The following SEMA3A variants were observed in gnomAD, a reference collection of about 807,000 sequenced individuals.
SEMA3A encodes the protein semaphorin 3A.
In SEMA3A, 29 loss-of-function variants were observed where a neutral mutation model predicts 97.9. The observed-to-expected ratio is 0.30, with a 90% CI of 0.22 to 0.40. The LOEUF (loss-of-function observed/expected upper bound fraction) is 0.40, where lower values mean the gene tolerates loss of function less well. Ranked by LOEUF, SEMA3A falls within the 10% of genes least tolerant of loss-of-function variation. SEMA3A has a pLI of 1.00. For synonymous variants in SEMA3A, 321 were observed against 323.7 expected (o/e 0.99, Z 0.09); for missense variants, 763 against 951.3 (o/e 0.80, Z 2.60).
intron 3 of SEMA3A, among the ~76,000 whole-genome samples, chr7:84,235,472 G>A (rs1017450996): frequency 7.3e-5 from 11 of 151,418 alleles, no homozygotes; most frequent in Non-Finnish European, 1.6e-4. Context: ...TGATATTATT[G>A]TTTCTTCTTT....
At chr7:84,079,977 G>A (rs1319080348) in intron 4 of SEMA3A, among the ~76,000 whole-genome samples, 1 of 145,328 alleles carries the variant, frequency 6.9e-6, no homozygotes, top group African/African-American at 2.7e-5. Flanking sequence ...TGATAGACTG[G>A]ATTAAGAAAA....
In SEMA3A at chr7:84,130,969, T is replaced by G. The variant is rs1795945944; in HGVS notation, c.271-1784A>C. 2.0e-5 allele frequency among the ~76,000 whole-genome samples: 3 copies of G among 152,028 alleles called. No homozygotes were observed. The South Asian group carries it at 6.2e-4, about 31-fold the overall frequency. ...TCTCGTTGCTTAATTGTTGAGACAG[T>G]ATAGACCTCATTTTATGATTCTCTG... On this transcript the variant is annotated intron_variant, in intron 2 of 16. Coordinates refer to ENST00000265362, the MANE Select transcript of SEMA3A (RefSeq NM_006080.3).
At chr7:84,091,167 GGAAA>G (rs1165324789) in intron 4 of SEMA3A, among the ~76,000 whole-genome samples, 838 of 42,792 alleles carry the variant, frequency 0.02, 30 homozygotes, top group South Asian at 0.038. Context: ...AAGGAAGGAA[GGAAA>G]GAAAGAAAGA....
chr7:84,295,252 A>G (rs950707588), intron 3 of SEMA3A, among the ~76,000 whole-genome samples: 2 of 152,086 alleles, frequency 1.3e-5, no homozygotes, highest in African/African-American at 4.8e-5. Flanking sequence ...ATAGACATTA[A>G]TCAAAATGCT....
rs1413190500 is a variant in SEMA3A, at chr7:84,080,851, C to T, written c.454-20293G>A. ...CCTCCCAAAGTGCTGGGATTACAGGCGTGAGCCACCGCGCCCGGCCGCAGC... is the reference window on the plus strand; with the variant it reads ...CCTCCCAAAGTGCTGGGATTACAGGTGTGAGCCACCGCGCCCGGCCGCAGC... On this transcript the variant is annotated intron_variant, in intron 4 of 16. Coordinates refer to ENST00000265362, the MANE Select transcript of SEMA3A (RefSeq NM_006080.3). 6.3e-3 allele frequency among the ~76,000 whole-genome samples: 8 copies of T among 1,272 alleles called. 4 individuals are homozygous for T. Among genetic ancestry groups the T allele is most frequent in the African/African-American group, 0.044 (8 of 182 alleles). The allele number at this position is 1,272 out of a possible 152,430, so 0.8% of individuals were successfully genotyped here.
chr7:84,471,667 A>G (rs1806154188), intron 1 of SEMA3A, among the ~76,000 whole-genome samples: 1 of 152,102 alleles, frequency 6.6e-6, no homozygotes, highest in East Asian at 1.9e-4. Context: ...AGAGAAAGAG[A>G]GAATGAAAGC....
intron 15 of SEMA3A, among the ~76,000 whole-genome samples, chr7:83,968,745 T>G (rs1788806445): frequency 6.6e-6 from 1 of 151,860 alleles, no homozygotes; most frequent in African/African-American, 2.4e-5. Flanking sequence ...TTTAGCAAAT[T>G]TTAGACAGTG....
At chr7:84,172,946 T>C (rs1442861016) in intron 1 of SEMA3A, among the ~76,000 whole-genome samples, 1 of 152,178 alleles carries the variant, frequency 6.6e-6, no homozygotes, top group Non-Finnish European at 1.5e-5. Context: ...GTTTCTGAGA[T>C]ATGTACCTGG....
intron 14 of SEMA3A, among the ~76,000 whole-genome samples, chr7:83,980,374 AGGCAT>A (rs984774503): frequency 6.6e-6 from 1 of 151,828 alleles, no homozygotes; most frequent in African/African-American, 2.4e-5. Context: ...TCAAAGGCCA[AGGCAT>A]GAGGATCACG....
chr7:84,038,343 T>C (rs1410951409), intron 6 of SEMA3A, among the ~76,000 whole-genome samples: 2 of 152,194 alleles, frequency 1.3e-5, no homozygotes, highest in Non-Finnish European at 2.9e-5. Flanking sequence ...AGCAACTCAG[T>C]ATATTTATGT....
At chr7:84,449,070 G>A (rs1805496537) in intron 1 of SEMA3A, among the ~76,000 whole-genome samples, 1 of 152,096 alleles carries the variant, frequency 6.6e-6, no homozygotes. Context: ...TCAACAGATG[G>A]TGCCAGGAAA....
chr7:84,060,626 C>G, intron 4 of SEMA3A, 68 bp from the exon 5 acceptor site: 1 of 982,710 alleles, frequency 1.0e-6, no homozygotes, highest in African/African-American at 1.7e-5. Flanking sequence ...TTCAACACAT[C>G]AGTTAATCAG....
intron 1 of SEMA3A, among the ~76,000 whole-genome samples, chr7:84,157,573 G>A (rs1796883095): frequency 6.6e-6 from 1 of 152,148 alleles, no homozygotes; most frequent in African/African-American, 2.4e-5. Flanking sequence ...AAATAGTGCT[G>A]GAGCATACGG....
chr7:84,438,110 T>C (rs929819048), intron 1 of SEMA3A, among the ~76,000 whole-genome samples: 1 of 152,036 alleles, frequency 6.6e-6, no homozygotes, highest in Non-Finnish European at 1.5e-5. Context: ...CTAGGGGGTA[T>C]GCTTTATTAA....
chr7:84,151,841 A>C (rs2116123440), intron 1 of SEMA3A, among the ~76,000 whole-genome samples: 1 of 152,262 alleles, frequency 6.6e-6, no homozygotes. Context: ...ACTCAAACAA[A>C]TTTACAAGAA....
Position 83,961,177 on chromosome 7 carries a change from G to A in SEMA3A, c.*194C>T. Reference sequence around the variant, plus strand: ...TCACCTGTGTTCTCTGTTAGGTGGTGGTATTAGGAAAAAAAGCCTATTAGG... The same window carrying A: ...TCACCTGTGTTCTCTGTTAGGTGGTAGTATTAGGAAAAAAAGCCTATTAGG... On this transcript the variant is annotated 3_prime_UTR_variant, in exon 17 of 17. Coordinates refer to ENST00000265362, the MANE Select transcript of SEMA3A (RefSeq NM_006080.3). 1.7e-6 allele frequency: 1 copy of A among 592,922 alleles called. No individual in the cohort carries two copies. Among genetic ancestry groups the A allele is most frequent in the Non-Finnish European group, 3.0e-6 (1 of 333,746 alleles). The allele number at this position is 592,922 out of a possible 1,614,324, so 36.7% of individuals were successfully genotyped here.
chr7:84,473,144 G>A (rs1342083414), intron 1 of SEMA3A, among the ~76,000 whole-genome samples: 1 of 145,852 alleles, frequency 6.9e-6, no homozygotes, highest in Non-Finnish European at 1.5e-5. Flanking sequence ...AAGAAATGGT[G>A]TGTGTGTGTG....
At chr7:84,458,456 AT>A (rs1029130850) in intron 1 of SEMA3A, among the ~76,000 whole-genome samples, 12 of 151,658 alleles carry the variant, frequency 7.9e-5, no homozygotes, top group African/African-American at 2.2e-4. Flanking sequence ...TCATAAAAAA[AT>A]AATTTGATAG....
chr7:84,192,003 A>G (rs1798056481), intron 1 of SEMA3A, among the ~76,000 whole-genome samples: 1 of 151,922 alleles, frequency 6.6e-6, no homozygotes, highest in African/African-American at 2.4e-5. Flanking sequence ...GGCAAAAATG[A>G]TAAGTAGAAA....
Sources: allele counts gnomAD v4.1 joint callset (sites outside exome capture counted in the v4.1 genomes callset), GRCh38; gene constraint gnomAD v4.1.1; transcripts MANE v1.5; gene names NCBI Gene and HGNC (gene_info 2026-07-23, HGNC 2026-07-21).